SLC8A1: variants seen among roughly 807,000 people sequenced by gnomAD.
The protein encoded by SLC8A1 is sodium/calcium exchanger 1.
In SLC8A1, 18 loss-of-function variants were observed where a neutral mutation model predicts 68.3. That is an observed-to-expected ratio of 0.26 (90% CI 0.18 to 0.39). The LOEUF is 0.39. Ranked by LOEUF, SLC8A1 falls within the 10% of genes least tolerant of loss-of-function variation. SLC8A1 has a pLI of 1.00. For synonymous variants in SLC8A1, 475 were observed against 415.5 expected, an observed-to-expected ratio of 1.14 and a Z score of -1.74; for missense variants, 985 against 1,156.7, an observed-to-expected ratio of 0.85 and a Z score of 2.15.
intron 2 of SLC8A1, among the ~76,000 whole-genome samples, chr2:40,217,519 C>T (rs922502462): frequency 3.3e-5 from 5 of 152,124 alleles, no homozygotes; most frequent in Non-Finnish European, 7.4e-5. Context: ...TCTCTACACT[C>T]AAGGTTTTCT....
In SLC8A1 at chr2:40,402,559, C is replaced by G. The variant is rs764681981; in HGVS notation, c.1808+25914G>C. Among the ~76,000 whole-genome samples, 88 of 152,186 alleles carry G rather than the reference C, an allele frequency of 5.8e-4. 1 individual carries two copies. The highest frequency in any genetic ancestry group is 3.8e-4 in the Non-Finnish European group (26 of 68,038). ...TCTCTTGGGGTCTGGATTAGGACCC[C>G]TTTCCAGTAACACAACTGTAGGCTT... On this transcript the variant is annotated intron_variant, in intron 2 of 7. Coordinates refer to ENST00000406785, the Ensembl canonical transcript of SLC8A1.
chr2:40,262,814 A>G (rs1055022148), intron 2 of SLC8A1, among the ~76,000 whole-genome samples: 1 of 152,188 alleles, frequency 6.6e-6, no homozygotes, highest in African/African-American at 2.4e-5. Flanking sequence ...CAGATATTAT[A>G]TGAGAGAGTT....
At chr2:40,191,948 G>A (rs1220122921) in intron 2 of SLC8A1, among the ~76,000 whole-genome samples, 1 of 152,112 alleles carries the variant, frequency 6.6e-6, no homozygotes, top group Non-Finnish European at 1.5e-5. Context: ...TGTAGGTAGA[G>A]AGGACCTACG....
chr2:40,377,742 T>A (rs1431528906), intron 2 of SLC8A1, among the ~76,000 whole-genome samples: 1 of 152,100 alleles, frequency 6.6e-6, no homozygotes, highest in African/African-American at 2.4e-5. Context: ...CAGATATTGT[T>A]TAGTCTTCTC....
intron 2 of SLC8A1, among the ~76,000 whole-genome samples, chr2:40,366,017 G>A (rs952762629): frequency 6.6e-6 from 1 of 151,252 alleles, no homozygotes; most frequent in Non-Finnish European, 1.5e-5. Flanking sequence ...TCATTTTTAA[G>A]ATTAAGAATA....
At chr2:40,275,899 C>A (rs2149160971) in intron 2 of SLC8A1, among the ~76,000 whole-genome samples, 1 of 152,244 alleles carries the variant, frequency 6.6e-6, no homozygotes, top group East Asian at 1.9e-4. Context: ...GGCTGACTCT[C>A]CTGCAAGTGG....
upstream of SLC8A1, among the ~76,000 whole-genome samples, chr2:40,455,722 T>C (rs1037154330): frequency 2.0e-5 from 3 of 152,318 alleles, no homozygotes; most frequent in Admixed American, 2.0e-4. Context: ...GAGAATTCTT[T>C]GTTGACTTCT....
At chr2:40,169,900 C>A (rs1198517696) in intron 4 of SLC8A1, among the ~76,000 whole-genome samples, 2 of 152,248 alleles carry the variant, frequency 1.3e-5, no homozygotes, top group Non-Finnish European at 1.5e-5. Context: ...GTGATTGATT[C>A]CACCACTGCA....
intron 1 of SLC8A1, among the ~76,000 whole-genome samples, chr2:40,510,347 C>A (rs1455791516): frequency 6.6e-6 from 1 of 152,094 alleles, no homozygotes; most frequent in East Asian, 1.9e-4. Flanking sequence ...TTGTCTATTA[C>A]TTATATTATG....
chr2:40,146,464 C>T (rs1203636884), intron 6 of SLC8A1, among the ~76,000 whole-genome samples: 1 of 152,122 alleles, frequency 6.6e-6, no homozygotes, highest in Non-Finnish European at 1.5e-5. Context: ...CTTTTTGGCA[C>T]CAGTGACTGG....
intron 2 of SLC8A1, among the ~76,000 whole-genome samples, chr2:40,186,058 G>A (rs747729577): frequency 4.6e-5 from 7 of 152,172 alleles, no homozygotes; most frequent in Non-Finnish European, 8.8e-5. Context: ...GACACACTAA[G>A]CAGTTCTGGT....
chr2:40,228,467 G>A (rs1458063539), intron 2 of SLC8A1, among the ~76,000 whole-genome samples: 1 of 152,158 alleles, frequency 6.6e-6, no homozygotes, highest in East Asian at 1.9e-4. Flanking sequence ...AGCTGTCTAC[G>A]AAACAAATCT....
intron 2 of SLC8A1, among the ~76,000 whole-genome samples, chr2:40,360,821 T>A (rs1246321300): frequency 2.0e-5 from 3 of 152,172 alleles, no homozygotes; most frequent in South Asian, 2.1e-4. Flanking sequence ...TCTGCCCTCT[T>A]GCCATTGGTC....
At chr2:40,326,447 TAA>T (rs77717603) in intron 2 of SLC8A1, among the ~76,000 whole-genome samples, 132 of 146,946 alleles carry the variant, frequency 9.0e-4, no homozygotes, top group Non-Finnish European at 1.7e-3. Flanking sequence ...AGGGAAGAGA[TAA>T]AAAAAAAAAT....
chr2:40,115,238 T>A (rs771914092), exon 8 of SLC8A1: 3 of 1,567,372 alleles, frequency 1.9e-6, no homozygotes, highest in Non-Finnish European at 2.6e-6. Context: ...AAATTTACTA[T>A]ATCTGATAGT....
chr2:40,099,540 C>T (rs1394571340), exon 8 of SLC8A1: 2 of 151,994 alleles, frequency 1.3e-5, no homozygotes, highest in Non-Finnish European at 2.9e-5. Flanking sequence ...ATTTTTGCCT[C>T]CCTTCTACCT....
At chr2:40,493,531 A>T (rs1173272034) in intron 1 of SLC8A1, among the ~76,000 whole-genome samples, 1 of 151,806 alleles carries the variant, frequency 6.6e-6, no homozygotes, top group Non-Finnish European at 1.5e-5. Context: ...TTTAAAAAAA[A>T]AGAAGCTTAG....
At chr2:40,284,101 A>G (rs1453612053) in intron 2 of SLC8A1, among the ~76,000 whole-genome samples, 1 of 152,056 alleles carries the variant, frequency 6.6e-6, no homozygotes, top group Non-Finnish European at 1.5e-5. Context: ...TTATCTGTAT[A>G]AAGTCTTGCA....
intron 2 of SLC8A1, among the ~76,000 whole-genome samples, chr2:40,234,185 T>C (rs926867082): frequency 3.9e-5 from 6 of 152,148 alleles, no homozygotes; most frequent in African/African-American, 1.4e-4. Flanking sequence ...TAAATTACCT[T>C]GGGCAGTATG....
Sources: allele counts gnomAD v4.1 joint callset (sites outside exome capture counted in the v4.1 genomes callset), GRCh38; gene constraint gnomAD v4.1.1; transcripts MANE v1.5; gene names NCBI Gene and HGNC (gene_info 2026-07-23, HGNC 2026-07-21).